Variants in ZNRF3 observed in about 807,000 individuals in gnomAD.
The protein encoded by ZNRF3 is E3 ubiquitin-protein ligase ZNRF3.
A neutral mutation model predicts 72.5 loss-of-function variants in ZNRF3; 23 were observed. The ratio of observed to expected loss-of-function variants is 0.32; its 90% CI spans 0.23 to 0.45. ZNRF3 has a LOEUF of 0.45. ZNRF3 is among the 20% of genes least tolerant of loss of function. ZNRF3 has a pLI of 1.00. For synonymous variants in ZNRF3, 610 were observed against 545.3 expected, an observed-to-expected ratio of 1.12 and a Z score of -1.65; for missense variants, 1,169 against 1,272.1, an observed-to-expected ratio of 0.92 and a Z score of 1.23.
Position 28,981,034 on chromosome 22 carries a change from A to G in ZNRF3, c.301-6042A>G, listed in dbSNP as rs563692407. On this transcript the variant is annotated intron_variant, in intron 1 of 8. Transcript: ENST00000544604. ...ATGCCTATAACTTTTAAATGCTTAT[A>G]TGCTACATTAAGTTCAAAGTTAACA... Among the ~76,000 whole-genome samples, 15 of 152,368 alleles carry G rather than the reference A, an allele frequency of 9.8e-5. No individual in the cohort carries two copies. The South Asian group carries it at 2.7e-3, about 27-fold the overall frequency.
intron 1 of ZNRF3, among the ~76,000 whole-genome samples, chr22:28,954,292 G>A (rs983270289): frequency 1.3e-5 from 2 of 152,144 alleles, no homozygotes; most frequent in African/African-American, 4.8e-5. Flanking sequence ...CCTCTTCCTG[G>A]CTCACAGAGC....
At chr22:28,897,855 G>T (rs1432825572) in intron 1 of ZNRF3, among the ~76,000 whole-genome samples, 1 of 152,114 alleles carries the variant, frequency 6.6e-6, no homozygotes, top group African/African-American at 2.4e-5. Flanking sequence ...TACCGAACCG[G>T]AATTCTCCTA....
intron 2 of ZNRF3, among the ~76,000 whole-genome samples, chr22:29,023,635 CT>C (rs1418917141): frequency 6.6e-6 from 1 of 152,194 alleles, no homozygotes; most frequent in Non-Finnish European, 1.5e-5. Flanking sequence ...TCAGTCTCTC[CT>C]TGGGTGTGCT....
chr22:29,049,215 G>A lies in ZNRF3; in HGVS notation c.1034G>A (p.Ser345Asn), dbSNP rs778321784. The A allele has an allele frequency of 1.9e-6, 3 of 1,603,954 alleles. No homozygotes were observed. The highest frequency in any genetic ancestry group is 2.2e-5 in the East Asian group (1 of 44,806). Residue 345 changes from serine (S) to asparagine (N), a missense_variant, in exon 8 of 9, where the codon AGC becomes AAC. By Grantham distance (46) the Ser-to-Asn change is conservative. Coordinates refer to ENST00000544604, the MANE Select transcript of ZNRF3 (RefSeq NM_001206998.2). This position sits in a 1 kb window ranked among gnomAD's most constrained non-coding sequence, Gnocchi z 5.2. ...HNIIEQKGNP[S>N]AVCVETSNLS... ...TCTCCAGAACAAAAGGGAAACCCAA[G>A]CGCGGTGTGTGTGGAGACCAGCAAC...
chr22:29,023,713 ACTCTTC>A (rs1369779670), intron 2 of ZNRF3, among the ~76,000 whole-genome samples: 1 of 151,956 alleles, frequency 6.6e-6, no homozygotes, highest in Non-Finnish European at 1.5e-5. Flanking sequence ...TCTGGCCAGA[ACTCTTC>A]CCTCCAAAGG....
At chr22:29,008,408 A>G (rs1390472102) in intron 2 of ZNRF3, among the ~76,000 whole-genome samples, 1 of 152,166 alleles carries the variant, frequency 6.6e-6, no homozygotes, top group Admixed American at 6.5e-5. Context: ...AGATTCTTTT[A>G]TCTAACATGG....
intron 2 of ZNRF3, among the ~76,000 whole-genome samples, chr22:29,000,062 T>C (rs890456721): frequency 6.6e-6 from 1 of 152,266 alleles, no homozygotes; most frequent in Non-Finnish European, 1.5e-5. Flanking sequence ...CATCAGGCTC[T>C]CTGGTCTGAG....
chr22:29,037,811 T>C (rs538051716), intron 2 of ZNRF3, among the ~76,000 whole-genome samples: 2 of 152,048 alleles, frequency 1.3e-5, no homozygotes, highest in South Asian at 2.1e-4. Flanking sequence ...AGGATGGAAG[T>C]AGCAAAGGTG....
intron 1 of ZNRF3, among the ~76,000 whole-genome samples, chr22:28,973,256 A>G (rs563518431): frequency 1.3e-4 from 20 of 152,298 alleles, no homozygotes; most frequent in Admixed American, 1.1e-3. Context: ...CTGGGATTAC[A>G]GGTGTGAGCC....
intron 1 of ZNRF3, among the ~76,000 whole-genome samples, chr22:28,925,230 G>A (rs1271568990): frequency 1.3e-5 from 2 of 152,182 alleles, no homozygotes; most frequent in African/African-American, 4.8e-5. Context: ...TTCAGGGTCA[G>A]TGGGGTCTGA....
chr22:28,910,240 C>A (rs1408531657), intron 1 of ZNRF3, among the ~76,000 whole-genome samples: 2 of 152,076 alleles, frequency 1.3e-5, no homozygotes, highest in African/African-American at 4.8e-5. Flanking sequence ...GGGGTTTCAC[C>A]ATGTTGACCA....
intron 2 of ZNRF3, among the ~76,000 whole-genome samples, chr22:29,021,233 A>T (rs1356457189): frequency 6.6e-5 from 10 of 151,558 alleles, no homozygotes; most frequent in Non-Finnish European, 1.0e-4. Context: ...ACTCTGTCTC[A>T]AAAAAAATAA....
At chr22:28,918,545 T>C (rs1436543825) in intron 1 of ZNRF3, among the ~76,000 whole-genome samples, 3 of 70,658 alleles carry the variant, frequency 4.2e-5, no homozygotes, top group East Asian at 1.3e-3. Flanking sequence ...TGCGTGTGTG[T>C]GTGTGTGTGT....
At chr22:29,007,736 G>T (rs2123850043) in intron 2 of ZNRF3, among the ~76,000 whole-genome samples, 1 of 143,156 alleles carries the variant, frequency 7.0e-6, no homozygotes, top group African/African-American at 2.6e-5. Flanking sequence ...CCCTTTCATA[G>T]AAATTCCATT....
At chr22:28,918,537 CGTGTGTGTGTGTGTGTGTGTGTGTGT>C (rs56876101) in intron 1 of ZNRF3, among the ~76,000 whole-genome samples, 1 of 148,742 alleles carries the variant, frequency 6.7e-6, no homozygotes, top group Non-Finnish European at 1.5e-5. Flanking sequence ...TGCATGTGTG[CGTGTGTGTGTGTGTGTGTGTGTGTGT>C]GTGTGTGTGT....
At chr22:28,971,788 C>T in intron 1 of ZNRF3, among the ~76,000 whole-genome samples, 1 of 152,112 alleles carries the variant, frequency 6.6e-6, no homozygotes, top group East Asian at 1.9e-4. Context: ...TCACCTGTCA[C>T]CTTGAACTCC....
intron 1 of ZNRF3, among the ~76,000 whole-genome samples, chr22:28,971,860 C>T (rs191959470): frequency 3.2e-4 from 48 of 152,262 alleles, no homozygotes; most frequent in African/African-American, 1.1e-3. Context: ...GTTTACACCA[C>T]CACACCTGCC....
rs1569288565 is a variant in ZNRF3 at position 29,030,851 on chromosome 22, C to A, written c.427-11644C>A. 1.3e-5 allele frequency among the ~76,000 whole-genome samples: 2 copies of A among 152,168 alleles called. No homozygotes were observed. Among genetic ancestry groups the A allele is most frequent in the South Asian group, 4.1e-4 (2 of 4,832 alleles). On this transcript the variant is annotated intron_variant, in intron 2 of 8. Coordinates refer to ENST00000544604, the MANE Select transcript of ZNRF3 (RefSeq NM_001206998.2). The surrounding 1 kb of genome is among the most constrained non-coding windows in gnomAD (Gnocchi z 4.2). Reference sequence around the variant, plus strand: ...GGGAGGGGGGATGTTGGCCGCAGGGCCTCGGAGTTCTGAGCTGTGTTTGTG... The same window carrying A: ...GGGAGGGGGGATGTTGGCCGCAGGGACTCGGAGTTCTGAGCTGTGTTTGTG...
intron 1 of ZNRF3, among the ~76,000 whole-genome samples, chr22:28,902,295 C>G (rs909171070): frequency 6.6e-6 from 1 of 152,146 alleles, no homozygotes; most frequent in Admixed American, 6.5e-5. Flanking sequence ...CAAACTACAA[C>G]TTTTAGCTGA....
Sources: gnomAD v4.1 joint callset for allele counts (sites outside exome capture counted in the v4.1 genomes callset) on GRCh38, gnomAD v4.1.1 for gene constraint, Gnocchi (gnomAD v3.1) non-coding constraint, MANE v1.5 for transcripts, NCBI Gene and HGNC (gene_info 2026-07-23, HGNC 2026-07-21) for gene names.